The following ERI1 variants were observed in gnomAD, a reference collection of about 807,000 sequenced individuals.
ERI1 encodes the protein exoribonuclease 1.
ERI1 carries 39 observed loss-of-function variants against 39.7 expected under a neutral mutation model. The ratio of observed to expected loss-of-function variants is 0.98; its 90% CI spans 0.76 to 1.28. The LOEUF (loss-of-function observed/expected upper bound fraction) is 1.28, where lower values mean the gene tolerates loss of function less well. ERI1 is among the 50% of genes most tolerant of loss of function. ERI1 has a pLI of 0.00. For missense variants in ERI1, 581 were observed against 416.9 expected (o/e 1.39, Z -3.43); for synonymous variants, 204 against 149.6 (o/e 1.36, Z -2.65).
Position 9,031,924 on chromosome 8 carries a change from A to G in ERI1, c.*1890A>G, listed in dbSNP as rs911808069. The G allele has an allele frequency of 3.9e-5, 6 of 152,134 alleles. No homozygotes were observed. The highest frequency in any genetic ancestry group is 1.4e-4 in the African/African-American group (6 of 41,388). The allele number at this position is 152,134 out of a possible 1,614,324, so 9.4% of individuals were successfully genotyped here. On this transcript the variant is annotated 3_prime_UTR_variant, in exon 7 of 7. Transcript: ENST00000250263. The stretch of plus-strand genomic sequence containing the variant: ...AGGCGCGTGCCACCACACCCGCCTA[A>G]TTTTTGTATTTTTGGTAGAGGCGGG...
chr8:9,062,656 G>C (rs1585273421), intron 3 of ERI1: 1 of 149,802 alleles, frequency 6.7e-6, no homozygotes. Context: ...GAGTATCTGT[G>C]ATGGTCCTGT....
intron 4 of ERI1, among the ~76,000 whole-genome samples, chr8:9,017,335 G>A (rs943675353): frequency 6.6e-6 from 1 of 152,128 alleles, no homozygotes; most frequent in Admixed American, 6.5e-5. Flanking sequence ...ACCACACCTA[G>A]CCTGTTTCAT....
chr8:9,058,349 A>G (rs1798580470), intron 3 of ERI1, among the ~76,000 whole-genome samples: 2 of 152,188 alleles, frequency 1.3e-5, no homozygotes, highest in South Asian at 4.1e-4. Context: ...TCCCTTAACT[A>G]ATGTCTGAGC....
intron 3 of ERI1, among the ~76,000 whole-genome samples, chr8:9,070,455 T>C (rs1321064010): frequency 1.3e-5 from 2 of 152,088 alleles, no homozygotes; most frequent in African/African-American, 2.4e-5. Flanking sequence ...ACCACTGAAC[T>C]CCAGCCTGGG....
At chr8:9,036,560 G>C (rs1797850900), downstream of ERI1, among the ~76,000 whole-genome samples, 1 of 152,140 alleles carries the variant, frequency 6.6e-6, no homozygotes, top group Admixed American at 6.5e-5. Context: ...ATGCACTGGG[G>C]AGCCAAAACA....
At chr8:9,008,183 G>T (rs1585185380) in intron 2 of ERI1, 35 bp downstream of exon 2, 1 of 1,444,254 alleles carries the variant, frequency 6.9e-7, no homozygotes, top group African/African-American at 1.5e-5. Context: ...TATAAAAGTA[G>T]TACATGCTCA....
intron 3 of ERI1, among the ~76,000 whole-genome samples, chr8:9,089,132 C>T (rs1799624803): frequency 6.6e-6 from 1 of 152,212 alleles, no homozygotes; most frequent in Non-Finnish European, 1.5e-5. Flanking sequence ...ATGGTTCCCG[C>T]TTCACTCTCC....
At chr8:9,021,843 C>G (rs145169516) in intron 6 of ERI1, among the ~76,000 whole-genome samples, 122 of 144,874 alleles carry the variant, frequency 8.4e-4, no homozygotes, top group African/African-American at 3.0e-3. Flanking sequence ...AGTTCATTCA[C>G]TTTATTGCTA....
chr8:9,020,357 G>A lies in ERI1; in HGVS notation c.700G>A (p.Asp234Asn). 6.4e-7 allele frequency: 1 copy of A among 1,571,586 alleles called. No homozygotes were observed. The highest frequency in any genetic ancestry group is 8.6e-7 in the Non-Finnish European group (1 of 1,162,170). ...KYSLLTDGSW[D>N]MSKFLNIQCQ... ...TCCTTTTTTAATTTATAGTTCTTGGGATATGAGTAAGTTCTTGAACATTCA... is the reference window on the plus strand; with the variant it reads ...TCCTTTTTTAATTTATAGTTCTTGGAATATGAGTAAGTTCTTGAACATTCA... The change falls in exon 6 of 7, where the codon GAT (aspartate) becomes AAT (asparagine). Residue 234 changes from aspartate to asparagine, a missense_variant. Transcript: ENST00000250263.
intron 6 of ERI1, among the ~76,000 whole-genome samples, chr8:9,021,765 GTTTTTTTTGTTTT>G (rs1439389980): frequency 1.2e-4 from 6 of 51,110 alleles, no homozygotes; most frequent in African/African-American, 2.4e-4. Flanking sequence ...TATATTATTT[GTTTTTTTTGTTTT>G]TTTTTTTTTT....
chr8:9,016,907 G>A (rs977425384), intron 4 of ERI1, among the ~76,000 whole-genome samples: 2 of 152,058 alleles, frequency 1.3e-5, no homozygotes, highest in Non-Finnish European at 1.5e-5. Context: ...GGCTGGTCTC[G>A]AACACCTAAC....
rs75140115 is a variant in ERI1, at chr8:9,068,690, A to G, written n.300-47658A>G. On this transcript the variant is annotated intron_variant and non_coding_transcript_variant, in intron 3 of 3. Transcript: ENST00000518663. ...TTATCTTCTTTCTTTATCTGTGTAC[A>G]TATGTATTGTCTTACTCTCTCTTCA... 4.6e-4 allele frequency among the ~76,000 whole-genome samples: 70 copies of G among 152,134 alleles called. No homozygotes were observed. The East Asian group carries it at 0.011, about 24-fold the overall frequency.
At chr8:9,029,695 A>T (rs1797447541) in intron 6 of ERI1, 97 bp from the exon 7 acceptor site, 1 of 1,402,986 alleles carries the variant, frequency 7.1e-7, no homozygotes, top group Non-Finnish European at 9.9e-7. Flanking sequence ...TTTAGCTGTT[A>T]GTGCTAATTT....
chr8:9,044,181 GATAAAACATCTTCAA>G (rs1370517763), intron 3 of ERI1, among the ~76,000 whole-genome samples: 1 of 152,194 alleles, frequency 6.6e-6, no homozygotes, highest in Non-Finnish European at 1.5e-5. Flanking sequence ...ATCAGAGTAA[GATAAAACATCTTCAA>G]ATAAAACATC....
chr8:9,075,234 T>A (rs1303548340), intron 3 of ERI1, among the ~76,000 whole-genome samples: 1 of 152,196 alleles, frequency 6.6e-6, no homozygotes, highest in African/African-American at 2.4e-5. Flanking sequence ...AGACAGACCT[T>A]TCAGTTTTGC....
rs1459666062 is a variant in ERI1, at chr8:9,003,177, G to A, written c.108+6G>A. ...CGCCGCGTCCCAGTCCCGAGGTGAGGAGTCGACCCGCGCCTGGCTGTTGGC... is the reference window on the plus strand; with the variant it reads ...CGCCGCGTCCCAGTCCCGAGGTGAGAAGTCGACCCGCGCCTGGCTGTTGGC... On this transcript the variant is annotated splice_donor_region_variant and intron_variant, in intron 1 of 6. Transcript: ENST00000250263. The A allele has an allele frequency of 6.5e-6, 8 of 1,240,310 alleles. No homozygotes were observed. Among genetic ancestry groups the A allele is most frequent in the Non-Finnish European group, 8.1e-6 (8 of 990,378 alleles). The allele number at this position is 1,240,310 out of a possible 1,614,324, so 76.8% of individuals were successfully genotyped here.
At chr8:9,048,677 C>T (rs1798255953) in intron 3 of ERI1, among the ~76,000 whole-genome samples, 1 of 152,168 alleles carries the variant, frequency 6.6e-6, no homozygotes, top group African/African-American at 2.4e-5. Flanking sequence ...CAGGATCTTG[C>T]TCCGTTGTCT....
intron 6 of ERI1, among the ~76,000 whole-genome samples, chr8:9,027,887 A>G (rs1797297949): frequency 6.6e-6 from 1 of 152,174 alleles, no homozygotes; most frequent in African/African-American, 2.4e-5. Context: ...TTATTTTTTA[A>G]ATGTTGAGCC....
chr8:9,084,878 C>T (rs1799477604), intron 3 of ERI1, among the ~76,000 whole-genome samples: 2 of 152,124 alleles, frequency 1.3e-5, no homozygotes, highest in South Asian at 4.1e-4. Flanking sequence ...TTCAGTCGCT[C>T]AGGAGAAAAA....
Sources: gnomAD v4.1 joint callset for allele counts (sites outside exome capture counted in the v4.1 genomes callset) on GRCh38, gnomAD v4.1.1 for gene constraint, MANE v1.5 for transcripts, NCBI Gene and HGNC (gene_info 2026-07-23, HGNC 2026-07-21) for gene names.